Variants in COL21A1 observed in about 807,000 individuals in gnomAD.
COL21A1 encodes the protein collagen alpha-1(XXI) chain.
A neutral mutation model predicts 137.9 loss-of-function variants in COL21A1; 149 were observed. The observed-to-expected ratio is 1.08, with a 90% CI of 0.95 to 1.24. The LOEUF (loss-of-function observed/expected upper bound fraction) is 1.24, where lower values mean the gene tolerates loss of function less well. COL21A1 is among the 50% of genes most tolerant of loss of function. The pLI, the probability that COL21A1 is intolerant of heterozygous loss-of-function variation, is 0.00. For missense variants in COL21A1, 1,167 were observed against 1,158.4 expected (o/e 1.01, Z -0.11); for synonymous variants, 456 against 391.5 (o/e 1.16, Z -1.95).
At chr6:56,189,725 T>G (rs1201552193) in intron 1 of COL21A1, among the ~76,000 whole-genome samples, 3 of 152,058 alleles carry the variant, frequency 2.0e-5, no homozygotes, top group African/African-American at 7.2e-5. Context: ...GAGAGAAAGG[T>G]CAGGTTACCC....
chr6:56,142,414 A>G, intron 10 of COL21A1, among the ~76,000 whole-genome samples: 1 of 152,328 alleles, frequency 6.6e-6, no homozygotes, highest in Middle Eastern at 3.4e-3. Flanking sequence ...TCTTTAATTA[A>G]TATTATTCTT....
chr6:56,058,120 T>A (rs1765487393), intron 29 of COL21A1, among the ~76,000 whole-genome samples: 2 of 152,080 alleles, frequency 1.3e-5, no homozygotes, highest in African/African-American at 4.8e-5. Context: ...GCTAACATTA[T>A]AATATTCCAT....
chr6:56,297,451 G>T (rs955847890), intron 1 of COL21A1, among the ~76,000 whole-genome samples: 1 of 151,978 alleles, frequency 6.6e-6, no homozygotes, highest in Non-Finnish European at 1.5e-5. Flanking sequence ...AGACAGACAG[G>T]TCCCTTTATA....
At chr6:56,081,373 T>C (rs1767750520) in intron 17 of COL21A1, among the ~76,000 whole-genome samples, 1 of 151,834 alleles carries the variant, frequency 6.6e-6, no homozygotes, top group Admixed American at 6.6e-5. Context: ...CAAGTCGGCA[T>C]TGCCCCCCAT....
At chr6:56,060,397 G>T (rs1464347262) in intron 27 of COL21A1, 179 bp from the exon 28 acceptor site, 2 of 586,098 alleles carry the variant, frequency 3.4e-6, no homozygotes, top group Non-Finnish European at 5.7e-6. Flanking sequence ...GCTCTGTGCG[G>T]TAATTTTATT....
intron 23 of COL21A1, 134 bp downstream of exon 23, chr6:56,067,161 T>C (rs892972976): frequency 1.1e-5 from 8 of 729,374 alleles, no homozygotes; most frequent in Admixed American, 9.8e-5. Flanking sequence ...AAAAGCTCAA[T>C]AGCAAAAGGA....
intron 1 of COL21A1, among the ~76,000 whole-genome samples, chr6:56,340,726 T>C (rs6922251): frequency 0.66 from 100,606 of 152,038 alleles, 33,512 homozygotes; most frequent in South Asian, 0.81. Context: ...CGTTTTCCAA[T>C]ATTTTTCTCA....
At chr6:56,198,425 G>A (rs912400372) in intron 1 of COL21A1, among the ~76,000 whole-genome samples, 21 of 151,988 alleles carry the variant, frequency 1.4e-4, no homozygotes, top group African/African-American at 5.1e-4. Flanking sequence ...GCTTGATTGT[G>A]GTAATCATTT....
At chr6:56,095,278 T>G (rs901950326) in intron 17 of COL21A1, among the ~76,000 whole-genome samples, 2 of 152,170 alleles carry the variant, frequency 1.3e-5, no homozygotes, top group Admixed American at 6.5e-5. Flanking sequence ...GTTTACTGTG[T>G]GGTGTTCCTC....
intron 1 of COL21A1, among the ~76,000 whole-genome samples, chr6:56,226,575 T>TA (rs1781208014): frequency 6.6e-6 from 1 of 152,064 alleles, no homozygotes; most frequent in Admixed American, 6.6e-5. Flanking sequence ...ACCAAAATGT[T>TA]AGACTTCCAT....
intron 16 of COL21A1, among the ~76,000 whole-genome samples, chr6:56,110,562 C>T (rs1310501802): frequency 6.6e-6 from 1 of 151,578 alleles, no homozygotes; most frequent in Non-Finnish European, 1.5e-5. Context: ...TATTTGTAGT[C>T]AATATAATCA....
chr6:56,351,090 C>G (rs946754856), intron 1 of COL21A1, among the ~76,000 whole-genome samples: 1 of 152,242 alleles, frequency 6.6e-6, no homozygotes, highest in African/African-American at 2.4e-5. Context: ...CATGACAACT[C>G]AGGCATGAAG....
At chr6:56,082,687 G>A (rs1325809372) in intron 17 of COL21A1, among the ~76,000 whole-genome samples, 1 of 151,296 alleles carries the variant, frequency 6.6e-6, no homozygotes, top group Non-Finnish European at 1.5e-5. Flanking sequence ...TATAATAGAG[G>A]TAATCATACC....
intron 1 of COL21A1, among the ~76,000 whole-genome samples, chr6:56,283,071 T>A (rs1019722058): frequency 6.6e-6 from 1 of 152,138 alleles, no homozygotes; most frequent in Non-Finnish European, 1.5e-5. Context: ...ACACAATAAA[T>A]ACATTCAAAA....
At chr6:56,393,750 C>T (rs116311441) in intron 1 of COL21A1, among the ~76,000 whole-genome samples, 1 of 152,176 alleles carries the variant, frequency 6.6e-6, no homozygotes, top group African/African-American at 2.4e-5. Flanking sequence ...AATTGCCAGT[C>T]CCCAGAGTGT....
intron 10 of COL21A1, among the ~76,000 whole-genome samples, chr6:56,156,603 G>A (rs1025604097): frequency 5.3e-5 from 8 of 151,804 alleles, no homozygotes; most frequent in Non-Finnish European, 1.2e-4. Context: ...GAGATGGCCT[G>A]ATCACAGAGG....
rs375301558 is a variant in COL21A1 at position 56,359,586 on chromosome 6, ATC to A, written c.-39+34383_-39+34384del. ...ACCTGAAAATATGAGGCAATCGGAC[ATC>A]TGTTATTGATTATTCTAAAGGAGAC... On this transcript the variant is annotated intron_variant, in intron 1 of 28. Coordinates refer to the COL21A1 transcript ENST00000370819. 1.9e-3 allele frequency among the ~76,000 whole-genome samples: 286 copies of A among 152,352 alleles called. 2 individuals carry two copies. The highest frequency in any genetic ancestry group is 1.2e-3 in the South Asian group (6 of 4,828).
chr6:56,074,916 C>G (rs1389940045), intron 19 of COL21A1, among the ~76,000 whole-genome samples: 1 of 151,134 alleles, frequency 6.6e-6, no homozygotes, highest in Non-Finnish European at 1.5e-5. Flanking sequence ...TCAATATGAA[C>G]CTATAACAGA....
rs1377515719 is a variant in COL21A1, at chr6:56,114,760, T to C, written c.1758+9302A>G. 4.0e-5 allele frequency among the ~76,000 whole-genome samples: 6 copies of C among 148,848 alleles called. No homozygotes were observed. In the East Asian group the frequency reaches 1.2e-3, roughly 29 times the overall value. ...CTAGTTCAACCATTGTGGAAGTCAG[T>C]GTGGCGATTCCTCAGGGATCTAGAA... On this transcript the variant is annotated intron_variant, in intron 16 of 29. Transcript: ENST00000244728.
Sources: allele counts gnomAD v4.1 joint callset (sites outside exome capture counted in the v4.1 genomes callset), GRCh38; gene constraint gnomAD v4.1.1; transcripts MANE v1.5; gene names NCBI Gene and HGNC (gene_info 2026-07-23, HGNC 2026-07-21).